Variants in CHURC1 observed in about 807,000 individuals in gnomAD.
CHURC1 encodes the protein churchill domain containing 1, also known as protein Churchill.
CHURC1 carries 12 observed loss-of-function variants against 15.4 expected under a neutral mutation model. The ratio of observed to expected loss-of-function variants is 0.78; its 90% CI spans 0.50 to 1.27. CHURC1 has a LOEUF of 1.27. Among genes scored for constraint, CHURC1 ranks in the 50% most tolerant of loss-of-function variants. The pLI is 0.00. For synonymous variants in CHURC1, 42 were observed against 47.5 expected, an observed-to-expected ratio of 0.88 and a Z score of 0.48; for missense variants, 132 against 137.8, an observed-to-expected ratio of 0.96 and a Z score of 0.21.
chr14:64,930,529 T>C (rs372844455), intron 3 of CHURC1, among the ~76,000 whole-genome samples: 5 of 152,246 alleles, frequency 3.3e-5, no homozygotes, highest in Admixed American at 3.3e-4. Flanking sequence ...GGTTCCAGAC[T>C]GCCTATAAAG....
intron 1 of CHURC1, among the ~76,000 whole-genome samples, chr14:64,916,944 T>C (rs1321515442): frequency 6.6e-6 from 1 of 152,222 alleles, no homozygotes; most frequent in Admixed American, 6.5e-5. Flanking sequence ...GTTTAGAGTT[T>C]ACATTTTAGG....
At chr14:64,921,434 A>T (rs1007514621) in intron 1 of CHURC1, among the ~76,000 whole-genome samples, 1 of 151,918 alleles carries the variant, frequency 6.6e-6, no homozygotes, top group Non-Finnish European at 1.5e-5. Context: ...TTGGGAAAAA[A>T]CTTGTATCTA....
chr14:64,935,006 C>T lies in CHURC1; in HGVS notation c.*2776C>T. 2.0e-6 allele frequency: 2 copies of T among 983,740 alleles called. No homozygotes were observed. The highest frequency in any genetic ancestry group is 2.4e-6 in the Non-Finnish European group (2 of 828,516). 60.9% of individuals were successfully genotyped at this position (983,740 alleles called of 1,614,324 possible). ...CACTTGAACCCAGTTTCACAGAATC[C>T]TTATTTTTCTGTTCAAATTAGGAAT... On this transcript the variant is annotated 3_prime_UTR_variant, in exon 4 of 4. Transcript: ENST00000549115.
chr14:64,920,753 C>A (rs184405918), intron 1 of CHURC1, among the ~76,000 whole-genome samples: 80 of 152,310 alleles, frequency 5.3e-4, no homozygotes, highest in Admixed American at 1.9e-3. Flanking sequence ...TTGAAATTGG[C>A]ATTTAGATCT....
chr14:64,925,876 A>G (rs990539609), intron 2 of CHURC1, 134 bp from the exon 3 acceptor site: 26 of 535,890 alleles, frequency 4.9e-5, no homozygotes, highest in Middle Eastern at 5.1e-4. Flanking sequence ...AGATACTATA[A>G]TGGGTTTCCT....
chr14:64,932,407 G>A lies in CHURC1; in HGVS notation c.*177G>A. ...GGAGCTCATTGTTCTCTAGAGCTGA[G>A]CTCTTCTGCTAAAGTTCAAAGTTCA... On this transcript the variant is annotated 3_prime_UTR_variant, in exon 4 of 4. Transcript: ENST00000549115. 7.4e-7 allele frequency: 1 copy of A among 1,349,548 alleles called. No individual in the cohort carries two copies. The highest frequency in any genetic ancestry group is 9.5e-7 in the Non-Finnish European group (1 of 1,049,312). 83.6% of individuals were successfully genotyped at this position (1,349,548 alleles called of 1,614,324 possible).
intron 1 of CHURC1, among the ~76,000 whole-genome samples, chr14:64,915,750 A>G (rs913577326): frequency 3.3e-5 from 5 of 152,212 alleles, no homozygotes; most frequent in African/African-American, 1.2e-4. Flanking sequence ...CATTCTAGAA[A>G]AATGCATGTG....
intron 3 of CHURC1, among the ~76,000 whole-genome samples, chr14:64,928,868 CT>C (rs1170255948): frequency 2.6e-5 from 4 of 152,130 alleles, no homozygotes; most frequent in Non-Finnish European, 4.4e-5. Context: ...TACTCCTCAG[CT>C]TTTGTTCTGT....
intron 1 of CHURC1, among the ~76,000 whole-genome samples, chr14:64,919,869 G>A (rs911811409): frequency 5.9e-5 from 9 of 151,526 alleles, no homozygotes; most frequent in African/African-American, 1.9e-4. Flanking sequence ...GGGTGACAGA[G>A]TGAGACCATG....
At chr14:64,921,932 A>G (rs1197274684) in intron 1 of CHURC1, among the ~76,000 whole-genome samples, 1 of 152,252 alleles carries the variant, frequency 6.6e-6, no homozygotes, top group Non-Finnish European at 1.5e-5. Context: ...CTATTTGGCA[A>G]TGAAAAGCAA....
At chr14:64,919,908 A>C (rs982089802) in intron 1 of CHURC1, among the ~76,000 whole-genome samples, 1 of 151,614 alleles carries the variant, frequency 6.6e-6, no homozygotes, top group Non-Finnish European at 1.5e-5. Context: ...AGAAAAAGAC[A>C]ATGGAAAAAA....
At chr14:64,924,936 C>G (rs543150955) in intron 2 of CHURC1, among the ~76,000 whole-genome samples, 47 of 152,268 alleles carry the variant, frequency 3.1e-4, no homozygotes, top group Admixed American at 1.8e-3. Flanking sequence ...GACAGCAGGC[C>G]TTTAGAATGG....
At chr14:64,921,305 G>GA (rs1446678237) in intron 1 of CHURC1, among the ~76,000 whole-genome samples, 1 of 151,694 alleles carries the variant, frequency 6.6e-6, no homozygotes. Flanking sequence ...TGTCTTAGGA[G>GA]AAAAAAAGTA....
intron 3 of CHURC1, among the ~76,000 whole-genome samples, chr14:64,927,496 T>G (rs1379704847): frequency 6.6e-6 from 1 of 152,190 alleles, no homozygotes; most frequent in African/African-American, 2.4e-5. Flanking sequence ...GGTTGCCTGT[T>G]TATGTCCTAA....
rs1566834007 is a variant in CHURC1 at position 64,934,878 on chromosome 14, C to G, written c.*2648C>G. On this transcript the variant is annotated 3_prime_UTR_variant, in exon 4 of 4. Coordinates refer to ENST00000549115, the MANE Select transcript of CHURC1 (RefSeq NM_001386928.1). Reference sequence around the variant, plus strand: ...GACTATATGTTACAAAAATTTAAAACATAAGATCCTCTCTCTATATTTCAT... The same window carrying G: ...GACTATATGTTACAAAAATTTAAAAGATAAGATCCTCTCTCTATATTTCAT... 1 of 984,182 alleles carries G rather than the reference C, an allele frequency of 1.0e-6. No individual in the cohort carries two copies. 61.0% of individuals were successfully genotyped at this position (984,182 alleles called of 1,614,324 possible). A position where few individuals can be genotyped will look rare whatever the true frequency, so the allele number is the denominator to read the frequency against.
At chr14:64,930,992 T>G in intron 3 of CHURC1, 1 of 367,490 alleles carries the variant, frequency 2.7e-6, no homozygotes, top group Middle Eastern at 3.8e-4. Flanking sequence ...TCTATTTCTT[T>G]GTACCACAGT....
Position 64,914,546 on chromosome 14 carries a change from G to T in CHURC1, c.39+12G>T. ...AATATCCCAACCGGGTGAGCGACTG[G>T]GCGCTCCCTTGGCCCGCGGGCGGCC... On this transcript the variant is annotated intron_variant, in intron 1 of 3. Transcript: ENST00000549115. 6.2e-7 allele frequency: 1 copy of T among 1,614,192 alleles called. No homozygotes were observed. The highest frequency in any genetic ancestry group is 8.5e-7 in the Non-Finnish European group (1 of 1,180,006).
Position 64,934,803 on chromosome 14 carries a change from C to T in CHURC1, c.*2573C>T, listed in dbSNP as rs1885249114. The T allele has an allele frequency of 1.0e-6, 1 of 985,232 alleles. No individual in the cohort carries two copies. 61.0% of individuals were successfully genotyped at this position (985,232 alleles called of 1,614,324 possible). A position where few individuals can be genotyped will look rare whatever the true frequency, so the allele number is the denominator to read the frequency against. On this transcript the variant is annotated 3_prime_UTR_variant, in exon 4 of 4. Transcript: ENST00000549115. ...GCCCAAGAGTCTAATTTTATATGCC[C>T]TGCCAATGTCCTCATCTATTGCAGA...
chr14:64,926,827 G>A (rs141818323), intron 3 of CHURC1, among the ~76,000 whole-genome samples: 50 of 152,334 alleles, frequency 3.3e-4, no homozygotes, highest in African/African-American at 1.2e-3. Flanking sequence ...AATTGTGAGA[G>A]TATGTGAAGA....
Sources: gnomAD v4.1 joint callset for allele counts (sites outside exome capture counted in the v4.1 genomes callset) on GRCh38, gnomAD v4.1.1 for gene constraint, MANE v1.5 for transcripts, NCBI Gene and HGNC (gene_info 2026-07-23, HGNC 2026-07-21) for gene names.